Variants in EIF2AK3 observed in about 807,000 individuals in gnomAD.
EIF2AK3 encodes eukaryotic translation initiation factor 2 alpha kinase 3, also known as eukaryotic translation initiation factor 2-alpha kinase 3.
Under a neutral mutation model 113.5 loss-of-function variants are expected in EIF2AK3, and 50 were observed. The ratio of observed to expected loss-of-function variants is 0.44; its 90% CI spans 0.35 to 0.56. The LOEUF is 0.56. Ranked by LOEUF, EIF2AK3 falls within the 20% of genes least tolerant of loss-of-function variation. The probability of loss-of-function intolerance (pLI) is 0.00; values close to 1 mark genes in which losing one functional copy is unlikely to be tolerated. For missense variants in EIF2AK3, 1,185 were observed against 1,378.0 expected (o/e 0.86, Z 2.22); for synonymous variants, 448 against 495.4 (o/e 0.90, Z 1.27).
At chr2:88,571,167 T>A in intron 13 of EIF2AK3, 126 bp from the exon 14 acceptor site, 1 of 1,166,254 alleles carries the variant, frequency 8.6e-7, no homozygotes, top group East Asian at 2.5e-5. Context: ...TATTTCTTTT[T>A]AAAATGGGCT....
intron 1 of EIF2AK3, among the ~76,000 whole-genome samples, chr2:88,624,309 A>G (rs967599205): frequency 3.9e-5 from 6 of 152,032 alleles, no homozygotes; most frequent in African/African-American, 9.7e-5. Flanking sequence ...TTTTCATTCT[A>G]TCTACACAGG....
chr2:88,603,188 G>C (rs1675196071), intron 2 of EIF2AK3, among the ~76,000 whole-genome samples: 1 of 152,136 alleles, frequency 6.6e-6, no homozygotes, highest in Non-Finnish European at 1.5e-5. Context: ...CTGGGTCCCT[G>C]ACTCTACTAC....
intron 2 of EIF2AK3, among the ~76,000 whole-genome samples, chr2:88,609,945 CAAAAA>C (rs71378880): frequency 2.6e-5 from 1 of 38,800 alleles, no homozygotes; most frequent in Non-Finnish European, 4.8e-5. Context: ...TCCATCTCTA[CAAAAA>C]AAAAAAAAAA....
Position 88,591,029 on chromosome 2 carries a change from A to G in EIF2AK3, c.791T>C (p.Phe264Ser). Residue 264 changes from phenylalanine (F) to serine (S), a missense_variant, in exon 5 of 17, where the codon TTT (phenylalanine) becomes TCT (serine). Phe to Ser is a radical substitution (Grantham distance 155, BLOSUM62 -2). Transcript: ENST00000303236. ...CATGTCTGGAATATACCGAAGTTCA[A>G]AGTGGCCAACACTGAAATTCCACCT... ...NEKWNFSVGHFELRYIPDMET... is the reference protein window; with the variant it reads ...NEKWNFSVGHSELRYIPDMET... The G allele has an allele frequency of 6.2e-7, 1 of 1,614,096 alleles. No homozygotes were observed. The highest frequency in any genetic ancestry group is 8.5e-7 in the Non-Finnish European group (1 of 1,179,966).
intron 10 of EIF2AK3, among the ~76,000 whole-genome samples, chr2:88,582,151 G>A (rs1674616190): frequency 1.3e-5 from 2 of 152,106 alleles, no homozygotes; most frequent in South Asian, 4.2e-4. Context: ...CTTCCACCAG[G>A]AGATACAACA....
chr2:88,624,696 G>A (rs886440143), intron 1 of EIF2AK3: 20 of 152,198 alleles, frequency 1.3e-4, no homozygotes, highest in African/African-American at 4.6e-4. Context: ...CCTCCCTCTG[G>A]ATGTCCTGCC....
chr2:88,604,349 G>A (rs531529958), intron 2 of EIF2AK3, among the ~76,000 whole-genome samples: 83 of 152,042 alleles, frequency 5.5e-4, no homozygotes, highest in African/African-American at 1.9e-3. Context: ...GATAACTCTC[G>A]CCTTAAGGCC....
chr2:88,594,830 TAA>T lies in EIF2AK3; in HGVS notation c.633+637_633+638del, dbSNP rs58582485. On this transcript the variant is annotated intron_variant, in intron 3 of 16. Transcript: ENST00000303236. ...ATAAGGTTCTTCATCTGTCAAAATG[TAA>T]AAAAAAAAAAAAAAAAACGAAAGTT... is the stretch of plus-strand genomic sequence containing the variant. 4.3e-3 allele frequency among the ~76,000 whole-genome samples: 491 copies of T among 115,058 alleles called. 1 individual carries two copies. Among genetic ancestry groups the T allele is most frequent in the African/African-American group, 0.012 (358 of 30,810 alleles). The allele number at this position is 115,058 out of a possible 152,430, so 75.5% of individuals were successfully genotyped here. A position where few individuals can be genotyped will look rare whatever the true frequency, so the allele number is the denominator to read the frequency against.
At chr2:88,584,175 G>A (rs1211024033) in intron 9 of EIF2AK3, among the ~76,000 whole-genome samples, 1 of 152,098 alleles carries the variant, frequency 6.6e-6, no homozygotes, top group East Asian at 1.9e-4. Flanking sequence ...TGTGTAAGGG[G>A]CTGAGGAGAT....
At chr2:88,620,692 T>G (rs1185731752) in intron 1 of EIF2AK3, among the ~76,000 whole-genome samples, 1 of 152,230 alleles carries the variant, frequency 6.6e-6, no homozygotes, top group Non-Finnish European at 1.5e-5. Flanking sequence ...CTCACACTAT[T>G]CTGTTGCCTA....
intron 2 of EIF2AK3, among the ~76,000 whole-genome samples, chr2:88,609,576 G>C (rs1347583287): frequency 6.6e-6 from 1 of 152,154 alleles, no homozygotes; most frequent in Non-Finnish European, 1.5e-5. Context: ...TGACTAATTA[G>C]GAAGTATGTA....
intron 1 of EIF2AK3, among the ~76,000 whole-genome samples, chr2:88,625,284 T>TACACACACACAC (rs375827301): frequency 5.9e-5 from 8 of 135,240 alleles, no homozygotes; most frequent in African/African-American, 7.9e-5. Flanking sequence ...ATCGCTTACG[T>TACACACACACAC]ACACACACAC....
At chr2:88,605,803 G>A (rs768286272) in intron 2 of EIF2AK3, among the ~76,000 whole-genome samples, 1 of 151,916 alleles carries the variant, frequency 6.6e-6, no homozygotes. Context: ...TTGTATTATG[G>A]AAATATATAT....
intron 2 of EIF2AK3, among the ~76,000 whole-genome samples, chr2:88,598,440 T>C (rs1675070194): frequency 6.6e-6 from 1 of 152,148 alleles, no homozygotes; most frequent in Admixed American, 6.6e-5. Context: ...AAATCATCAA[T>C]GAGAGTTAGA....
intron 11 of EIF2AK3, 62 bp from the exon 12 acceptor site, chr2:88,576,765 A>C: frequency 6.3e-7 from 1 of 1,574,802 alleles, no homozygotes; most frequent in Non-Finnish European, 8.7e-7. Context: ...GATCTTTACA[A>C]ATTATATGAC....
chr2:88,593,966 T>A (rs1674948294), intron 3 of EIF2AK3: 1 of 990,818 alleles, frequency 1.0e-6, no homozygotes, highest in Non-Finnish European at 1.2e-6. Flanking sequence ...AACCAGGTGA[T>A]CGGGTTCAAT....
intron 12 of EIF2AK3, 90 bp from the exon 13 acceptor site, chr2:88,575,536 G>C: frequency 7.3e-7 from 1 of 1,378,074 alleles, no homozygotes; most frequent in Middle Eastern, 1.9e-4. Flanking sequence ...AGCTTCAACT[G>C]TAATAAGGCC....
intron 15 of EIF2AK3, among the ~76,000 whole-genome samples, chr2:88,559,661 G>A (rs975656821): frequency 2.0e-5 from 3 of 152,004 alleles, no homozygotes; most frequent in Non-Finnish European, 2.9e-5. Context: ...GGAAATCTTT[G>A]TTTCTATGGA....
At position 88,621,535 on chromosome 2, in the gene EIF2AK3, G is replaced by GT. The variant is rs1341206667; in HGVS notation, c.308+5431dup. ...CTATAAATGTGATTTGGTTGAACCTGTTTTTTTGGCGTAGCTGAGAATCCT... is the reference window on the plus strand; with the variant it reads ...CTATAAATGTGATTTGGTTGAACCTGTTTTTTTTGGCGTAGCTGAGAATCCT... On this transcript the variant is annotated intron_variant, in intron 1 of 16. Transcript: ENST00000303236. Among the ~76,000 whole-genome samples the GT allele has an allele frequency of 6.6e-5, 10 of 152,218 alleles. No homozygotes were observed. The South Asian group carries it at 1.0e-3, about 16-fold the overall frequency.
Sources: allele counts gnomAD v4.1 joint callset (sites outside exome capture counted in the v4.1 genomes callset), GRCh38; gene constraint gnomAD v4.1.1; transcripts MANE v1.5; gene names NCBI Gene and HGNC (gene_info 2026-07-23, HGNC 2026-07-21).